Variants in MLN observed in about 807,000 individuals in gnomAD.
The protein encoded by MLN is motilin.
In MLN, 14 loss-of-function variants were observed where a neutral mutation model predicts 13.3. That is an observed-to-expected ratio of 1.05 (90% CI 0.69 to 1.64). The LOEUF (loss-of-function observed/expected upper bound fraction) is 1.64, where lower values mean the gene tolerates loss of function less well. Ranked by LOEUF, MLN falls within the 40% of genes most tolerant of loss-of-function variation. The probability of loss-of-function intolerance (pLI) is 0.00; values close to 1 mark genes in which losing one functional copy is unlikely to be tolerated. For synonymous variants in MLN, 59 were observed against 54.7 expected, an observed-to-expected ratio of 1.08 and a Z score of -0.34; for missense variants, 122 against 142.9, an observed-to-expected ratio of 0.85 and a Z score of 0.75.
rs1760904800 is a variant in MLN, at chr6:33,803,704, A to G, written c.-8+249T>C. Among the ~76,000 whole-genome samples the G allele has an allele frequency of 6.6e-6, 1 of 152,222 alleles. No homozygotes were observed. The highest frequency in any genetic ancestry group is 1.5e-5 in the Non-Finnish European group (1 of 68,044). On this transcript the variant is annotated intron_variant, in intron 1 of 4. Transcript: ENST00000430124. This position sits in a 1 kb window ranked among gnomAD's most constrained non-coding sequence, Gnocchi z 4.5. The stretch of plus-strand genomic sequence containing the variant: ...GTTCCCGGCCCACCGTGGATGTGCC[A>G]GACCCACCCACAACAGCCTCTGCTT...
Position 33,794,685 on chromosome 6 carries a change from G to T in MLN, c.*140C>A. 2.2e-6 allele frequency: 2 copies of T among 892,190 alleles called. No individual in the cohort carries two copies. Among genetic ancestry groups the T allele is most frequent in the Non-Finnish European group, 1.7e-6 (1 of 596,236 alleles). The allele number at this position is 892,190 out of a possible 1,614,324, so 55.3% of individuals were successfully genotyped here. On this transcript the variant is annotated 3_prime_UTR_variant, in exon 5 of 5. Coordinates refer to ENST00000430124, the MANE Select transcript of MLN (RefSeq NM_002418.3). ...TAAGAGTCATTTCTGTATATTTCATGCTTTATTTGCTGGAGGGGAATTTGC... is the reference window on the plus strand; with the variant it reads ...TAAGAGTCATTTCTGTATATTTCATTCTTTATTTGCTGGAGGGGAATTTGC...
chr6:33,797,882 A>G (rs1003563549), intron 3 of MLN, among the ~76,000 whole-genome samples: 1 of 152,168 alleles, frequency 6.6e-6, no homozygotes, highest in Non-Finnish European at 1.5e-5. Context: ...CTTCAGCAGA[A>G]TGAATGGAGA....
chr6:33,802,845 C>G (rs530807408), intron 1 of MLN, among the ~76,000 whole-genome samples: 1 of 152,230 alleles, frequency 6.6e-6, no homozygotes, highest in African/African-American at 2.4e-5. Context: ...CCTTCTCATT[C>G]CTGCGCGTTC....
chr6:33,800,859 A>C (rs1768028159), intron 2 of MLN, among the ~76,000 whole-genome samples, 188 bp downstream of exon 2: 3 of 152,154 alleles, frequency 2.0e-5, no homozygotes, highest in African/African-American at 7.2e-5. Context: ...CAGGGGTGGG[A>C]AAGATGTTGC....
chr6:33,794,927 G>T (rs753539248), intron 4 of MLN, 92 bp from the exon 5 acceptor site: 3 of 1,499,730 alleles, frequency 2.0e-6, no homozygotes, highest in Non-Finnish European at 2.8e-6. Flanking sequence ...GGAGGGAGGA[G>T]GGGGCACAAG....
chr6:33,794,914 G>T, intron 4 of MLN, 79 bp from the exon 5 acceptor site: 1 of 1,571,876 alleles, frequency 6.4e-7, no homozygotes, highest in South Asian at 1.1e-5. Flanking sequence ...TTGCCTGCAG[G>T]TCGGAGGGAG....
At chr6:33,798,870 C>A (rs545505276) in intron 3 of MLN, among the ~76,000 whole-genome samples, 2 of 152,306 alleles carry the variant, frequency 1.3e-5, no homozygotes, top group South Asian at 4.1e-4. Flanking sequence ...TCTCCCAAAC[C>A]CCACTCAGTC....
Position 33,799,167 on chromosome 6 carries a change from C to CT in MLN, c.171_172insA (p.Gly58ArgfsTer50). The CT allele has an allele frequency of 6.2e-7, 1 of 1,613,366 alleles. No homozygotes were observed. Among genetic ancestry groups the CT allele is most frequent in the Non-Finnish European group, 8.5e-7 (1 of 1,179,472 alleles). ...GCAGGGTCTACAGGACCTTCCTCCC[C>CT]AGACCTCTGCCATACACTCAGGGAT... is the stretch of plus-strand genomic sequence containing the variant. On this transcript the variant is annotated frameshift_variant, in exon 3 of 5. Coordinates refer to ENST00000430124, the MANE Select transcript of MLN (RefSeq NM_002418.3). LOFTEE classifies it high-confidence loss of function. The surrounding 1 kb of genome is among the most constrained non-coding windows in gnomAD (Gnocchi z 4.6).
At chr6:33,798,808 A>C (rs986229307) in intron 3 of MLN, among the ~76,000 whole-genome samples, 2 of 152,070 alleles carry the variant, frequency 1.3e-5, no homozygotes, top group African/African-American at 2.4e-5. Flanking sequence ...TTTCAAATCA[A>C]ATGTCACCTC....
rs377696638 is a variant in MLN at position 33,798,707 on chromosome 6, G to A, written c.234+398C>T. Among the ~76,000 whole-genome samples, 22 of 152,320 alleles carry A rather than the reference G, an allele frequency of 1.4e-4. No homozygotes were observed. In the South Asian group the frequency reaches 1.4e-3, roughly 10 times the overall value. ...CTGCCACAAGGGCCTGTCGCCCACC[G>A]GTGTTCCTCAGTCTTTGCACTCACT... On this transcript the variant is annotated intron_variant, in intron 3 of 4. Coordinates refer to ENST00000430124, the MANE Select transcript of MLN (RefSeq NM_002418.3).
Position 33,799,141 on chromosome 6 carries a change from C to T in MLN, c.198G>A (p.Ala66=), listed in dbSNP as rs377738233. The T allele has an allele frequency of 9.8e-5, 158 of 1,611,836 alleles. No homozygotes were observed. The highest frequency in any genetic ancestry group is 1.2e-4 in the Non-Finnish European group (142 of 1,178,442). The change falls in exon 3 of 5, where the codon GCG becomes GCA. Residue 66 remains alanine (A), a synonymous_variant. Transcript: ENST00000430124. This position sits in a 1 kb window ranked among gnomAD's most constrained non-coding sequence, Gnocchi z 4.6. ...CGTTTTCTTCTTCCCTGATGGGCTC[C>T]GCAGGGTCTACAGGACCTTCCTCCC... ...RSGEEGPVDP[A]EPIREEENEM... is the part of the protein sequence containing the mutation.
rs535908944 is a variant in MLN, at chr6:33,803,307, C to CT, written c.-8+645dup. Among the ~76,000 whole-genome samples, 8,705 of 136,084 alleles carry CT rather than the reference C, an allele frequency of 0.064. 404 individuals are homozygous for CT. Among genetic ancestry groups the CT allele is most frequent in the South Asian group, 0.11 (473 of 4,264 alleles). The allele number at this position is 136,084 out of a possible 152,430, so 89.3% of individuals were successfully genotyped here. On this transcript the variant is annotated intron_variant, in intron 1 of 4. Coordinates refer to ENST00000430124, the MANE Select transcript of MLN (RefSeq NM_002418.3). This position sits in a 1 kb window ranked among gnomAD's most constrained non-coding sequence, Gnocchi z 4.5. The stretch of plus-strand genomic sequence containing the variant: ...CTTTTTCTTTTCCTTTTCTTTTCTT[C>CT]TTTTTTTTTTTTTTTTCTGAGATGG...
chr6:33,795,521 C>T lies in MLN; in HGVS notation c.319G>A (p.Glu107Lys), dbSNP rs564164933. ...YPATLEGLLS[E>K]MLPQHAAK ...CCCGTACCATGCTGGGGAAGCATCTCACTCAGCAGCCCTTCCAGGGTGGCC... is the reference window on the plus strand; with the variant it reads ...CCCGTACCATGCTGGGGAAGCATCTTACTCAGCAGCCCTTCCAGGGTGGCC... The change falls in exon 4 of 5, where the codon GAG (glutamate) becomes AAG (lysine). Residue 107 changes from glutamate (E) to lysine (K), a missense_variant. Coordinates refer to ENST00000430124, the MANE Select transcript of MLN (RefSeq NM_002418.3). 52 of 1,564,808 alleles carry T rather than the reference C, an allele frequency of 3.3e-5. 1 individual carries two copies. The South Asian group carries it at 5.3e-4, about 16-fold the overall frequency.
chr6:33,802,219 G>A (rs1760858023), intron 1 of MLN, among the ~76,000 whole-genome samples: 1 of 152,210 alleles, frequency 6.6e-6, no homozygotes, highest in Admixed American at 6.5e-5. Flanking sequence ...ACAGGGGGCA[G>A]GCCTGTTGAA....
At position 33,799,170 on chromosome 6, in the gene MLN, A is replaced by G. The variant is rs1561934640; in HGVS notation, c.169T>C (p.Ser57Pro). 1.2e-6 allele frequency: 2 copies of G among 1,612,556 alleles called. No homozygotes were observed. Among genetic ancestry groups the G allele is most frequent in the Non-Finnish European group, 1.7e-6 (2 of 1,179,016 alleles). The change falls in exon 3 of 5, where the codon TCT (serine) becomes CCT (proline). Residue 57 changes from serine (S) to proline (P), a missense_variant. Transcript: ENST00000430124. The surrounding 1 kb of genome is among the most constrained non-coding windows in gnomAD (Gnocchi z 4.6). The stretch of plus-strand genomic sequence containing the variant: ...GGGTCTACAGGACCTTCCTCCCCAG[A>G]CCTCTGCCATACACTCAGGGATTTC... ...QKKSLSVWQRSGEEGPVDPAE... is the reference protein window; with the variant it reads ...QKKSLSVWQRPGEEGPVDPAE...
In MLN at chr6:33,803,122, T is replaced by C. The variant is rs1760884991; in HGVS notation, c.-8+831A>G. ...GGAGGTGGGAGAAGGAGCTTTTCAT[T>C]GTACAGTGAGGCACTAACTTTCCTT... On this transcript the variant is annotated intron_variant, in intron 1 of 4. Transcript: ENST00000430124. This position sits in a 1 kb window ranked among gnomAD's most constrained non-coding sequence, Gnocchi z 4.5. 6.6e-6 allele frequency among the ~76,000 whole-genome samples: 1 copy of C among 152,084 alleles called. No individual in the cohort carries two copies. The highest frequency in any genetic ancestry group is 6.5e-5 in the Admixed American group (1 of 15,268).
intron 3 of MLN, among the ~76,000 whole-genome samples, chr6:33,796,661 GCCTGAAGGGCATCTGAAGGGCCCCAGT>G (rs1767931374): frequency 6.6e-6 from 1 of 152,202 alleles, no homozygotes; most frequent in African/African-American, 2.4e-5. Flanking sequence ...GGCTCAGGGT[GCCTGAAGGGCATCTGAAGGGCCCCAGT>G]CCAGTTCTGC....
rs769175939 is a variant in MLN, at chr6:33,801,122, A to G, written c.42T>C (p.His14=). ...RKAVAALLVV[H]VAAMLASQTE... Reference sequence around the variant, plus strand: ...TCTGGGAGGCCAGCATGGCAGCTACATGCACCACCAGCAGAGCAGCCACAG... The same window carrying G: ...TCTGGGAGGCCAGCATGGCAGCTACGTGCACCACCAGCAGAGCAGCCACAG... Residue 14 remains histidine (H), a synonymous_variant, in exon 2 of 5, where the codon CAT becomes CAC. Transcript: ENST00000430124. 9.3e-6 allele frequency: 15 copies of G among 1,614,010 alleles called. No individual in the cohort carries two copies. The highest frequency in any genetic ancestry group is 1.2e-5 in the Non-Finnish European group (14 of 1,179,968).
In MLN at chr6:33,795,539, G is replaced by A. The variant is rs373572018; in HGVS notation, c.301C>T (p.Leu101=). ...SRQLEKYPAT[L]EGLLSEMLPQ... ...AGCATCTCACTCAGCAGCCCTTCCAGGGTGGCCGGGTACTTTTCCAGCTGT... is the reference window on the plus strand; with the variant it reads ...AGCATCTCACTCAGCAGCCCTTCCAAGGTGGCCGGGTACTTTTCCAGCTGT... Residue 101 remains leucine (L), a synonymous_variant, in exon 4 of 5, where the codon CTG becomes TTG. Transcript: ENST00000430124. 79 of 1,566,834 alleles carry A rather than the reference G, an allele frequency of 5.0e-5. No homozygotes were observed. The highest frequency in any genetic ancestry group is 6.7e-5 in the Non-Finnish European group (77 of 1,154,324).
Sources: allele counts gnomAD v4.1 joint callset (sites outside exome capture counted in the v4.1 genomes callset), GRCh38; gene constraint gnomAD v4.1.1; non-coding constraint Gnocchi (gnomAD v3.1); transcripts MANE v1.5; gene names NCBI Gene and HGNC (gene_info 2026-07-23, HGNC 2026-07-21).